KLHDC1: variants seen among roughly 807,000 people sequenced by gnomAD.
KLHDC1 encodes the protein kelch domain-containing protein 1.
KLHDC1 carries 53 observed loss-of-function variants against 68.3 expected under a neutral mutation model. That is an observed-to-expected ratio of 0.78 (90% CI 0.62 to 0.98). The LOEUF (loss-of-function observed/expected upper bound fraction) is 0.98, where lower values mean the gene tolerates loss of function less well. Ranked by LOEUF, KLHDC1 falls within the 50% of genes least tolerant of loss-of-function variation. The pLI, the probability that KLHDC1 is intolerant of heterozygous loss-of-function variation, is 0.00. For synonymous variants in KLHDC1, 148 were observed against 159.0 expected, an observed-to-expected ratio of 0.93 and a Z score of 0.52; for missense variants, 470 against 492.3, an observed-to-expected ratio of 0.95 and a Z score of 0.43.
intron 1 of KLHDC1, among the ~76,000 whole-genome samples, chr14:49,701,064 A>G (rs1887891400): frequency 6.6e-6 from 1 of 152,012 alleles, no homozygotes; most frequent in Admixed American, 6.6e-5. Flanking sequence ...CCTGGGCGAC[A>G]GAGTGAGACT....
intron 1 of KLHDC1, among the ~76,000 whole-genome samples, chr14:49,708,059 T>G (rs1005926511): frequency 6.9e-6 from 1 of 144,232 alleles, no homozygotes; most frequent in Non-Finnish European, 1.5e-5. Context: ...AGTGCTATTT[T>G]AAAACTCTAG....
chr14:49,743,069 C>T (rs529487177), intron 11 of KLHDC1, among the ~76,000 whole-genome samples: 27 of 55,988 alleles, frequency 4.8e-4, no homozygotes, highest in African/African-American at 1.3e-3. Flanking sequence ...CAGACCCTGT[C>T]TCCAAAAAAA....
intron 1 of KLHDC1, among the ~76,000 whole-genome samples, chr14:49,694,746 C>T (rs1275170328): frequency 6.6e-6 from 1 of 152,044 alleles, no homozygotes; most frequent in East Asian, 1.9e-4. Flanking sequence ...CCCAGCTACT[C>T]GGGAGGCTGA....
At chr14:49,719,112 A>G (rs1888461911) in intron 4 of KLHDC1, among the ~76,000 whole-genome samples, 1 of 151,532 alleles carries the variant, frequency 6.6e-6, no homozygotes, top group East Asian at 1.9e-4. Flanking sequence ...TCTATTCACT[A>G]TTTTATTTTG....
chr14:49,729,485 T>G lies in KLHDC1; in HGVS notation c.652-5T>G. The G allele has an allele frequency of 6.2e-7, 1 of 1,605,558 alleles. No individual in the cohort carries two copies. The highest frequency in any genetic ancestry group is 8.5e-7 in the Non-Finnish European group (1 of 1,172,694). On this transcript the variant is annotated splice_polypyrimidine_tract_variant and splice_region_variant and intron_variant, in intron 7 of 12. Coordinates refer to ENST00000359332, the MANE Select transcript of KLHDC1 (RefSeq NM_172193.3). ...ACTGACCAATGTAACACACTTTTCT[T>G]TTAGCAAACTAGGATGAATGATTTG...
intron 12 of KLHDC1, among the ~76,000 whole-genome samples, chr14:49,747,984 AAG>A (rs886955130): frequency 2.0e-5 from 3 of 151,814 alleles, no homozygotes; most frequent in African/African-American, 7.2e-5. Flanking sequence ...CTGGATACAA[AAG>A]AAAGTTAAAA....
chr14:49,693,748 C>CTTTTTTTTTTGTTTTTTTTTTTTTTTTT lies in KLHDC1; in HGVS notation c.96+468_96+469insGTTTTTTTTTTTTTTTTTTTTTTTTTTT, dbSNP rs1887646764. Among the ~76,000 whole-genome samples, 3 of 61,540 alleles carry CTTTTTTTTTTGTTTTTTTTTTTTTTTTT rather than the reference C, an allele frequency of 4.9e-5. 1 individual carries two copies. The highest frequency in any genetic ancestry group is 6.8e-5 in the Non-Finnish European group (2 of 29,626). 40.4% of individuals were successfully genotyped at this position (61,540 alleles called of 152,430 possible). A position where few individuals can be genotyped will look rare whatever the true frequency, so the allele number is the denominator to read the frequency against. On this transcript the variant is annotated intron_variant, in intron 1 of 12. Transcript: ENST00000359332. ...TAAATATTTATTTTCTTTTCTTTTTCTTTTTTTTTTTTTTTTGAGATGGAG... is the reference window on the plus strand; with the variant it reads ...TAAATATTTATTTTCTTTTCTTTTTCTTTTTTTTTTGTTTTTTTTTTTTTTTTTTTTTTTTTTTTTTTTTGAGATGGAG...
At chr14:49,694,063 T>C (rs776448648) in intron 1 of KLHDC1, among the ~76,000 whole-genome samples, 1 of 152,190 alleles carries the variant, frequency 6.6e-6, no homozygotes. Context: ...GCATTTTAAA[T>C]ATTTCTAAGC....
At chr14:49,699,037 G>T (rs1395043710) in intron 1 of KLHDC1, among the ~76,000 whole-genome samples, 1 of 151,564 alleles carries the variant, frequency 6.6e-6, no homozygotes, top group Non-Finnish European at 1.5e-5. Flanking sequence ...GGTGGCACGT[G>T]CCTGTAATCC....
At chr14:49,701,774 C>T (rs191154878) in intron 1 of KLHDC1, among the ~76,000 whole-genome samples, 12 of 152,334 alleles carry the variant, frequency 7.9e-5, no homozygotes, top group Admixed American at 7.2e-4. Flanking sequence ...TGGCTCATGC[C>T]TATAATCCCA....
chr14:49,749,466 C>T (rs933147736), intron 12 of KLHDC1, among the ~76,000 whole-genome samples: 7 of 151,490 alleles, frequency 4.6e-5, no homozygotes, highest in African/African-American at 1.7e-4. Flanking sequence ...GGCAGGAGTT[C>T]GGAGTTCAAG....
chr14:49,746,047 G>T (rs1192120497), intron 12 of KLHDC1, among the ~76,000 whole-genome samples: 1 of 152,138 alleles, frequency 6.6e-6, no homozygotes, highest in Non-Finnish European at 1.5e-5. Flanking sequence ...GTATCAATGG[G>T]GCTGGAGAAG....
At position 49,732,782 on chromosome 14, in the gene KLHDC1, A is replaced by G. The variant is rs1372337739; in HGVS notation, c.789A>G (p.Leu263=). The change falls in exon 9 of 13, where the codon CTA becomes CTG. Residue 263 remains leucine, a synonymous_variant. Coordinates refer to ENST00000359332, the MANE Select transcript of KLHDC1 (RefSeq NM_172193.3). ...LTPIADDKLF[L]CGGLSADNIP... ...CTATAGCTGATGATAAACTTTTCCTATGTGGTGGACTAAGTGCAGATAATA... is the reference window on the plus strand; with the variant it reads ...CTATAGCTGATGATAAACTTTTCCTGTGTGGTGGACTAAGTGCAGATAATA... The G allele has an allele frequency of 2.5e-6, 4 of 1,600,916 alleles. No individual in the cohort carries two copies. The highest frequency in any genetic ancestry group is 2.2e-5 in the South Asian group (2 of 90,740).
intron 5 of KLHDC1, among the ~76,000 whole-genome samples, chr14:49,725,398 A>G (rs889136117): frequency 6.6e-6 from 1 of 152,306 alleles, no homozygotes. Context: ...ACCCTCTGCA[A>G]TTTTAAAAAA....
At chr14:49,742,816 G>A (rs1268316830) in intron 11 of KLHDC1, among the ~76,000 whole-genome samples, 1 of 152,090 alleles carries the variant, frequency 6.6e-6, no homozygotes, top group East Asian at 1.9e-4. Context: ...CAGGCGTGGT[G>A]GCTCATACCT....
chr14:49,709,310 A>G lies in KLHDC1; in HGVS notation c.167+81A>G, dbSNP rs1888138255. The G allele has an allele frequency of 5.5e-5, 36 of 649,864 alleles. 1 individual carries two copies. The South Asian group carries it at 7.9e-4, about 14-fold the overall frequency. 40.3% of individuals were successfully genotyped at this position (649,864 alleles called of 1,614,324 possible). On this transcript the variant is annotated intron_variant, in intron 2 of 12. Coordinates refer to ENST00000359332, the MANE Select transcript of KLHDC1 (RefSeq NM_172193.3). ...TGTAGACTCTAGGGAATTTGAGACC[A>G]TACTTTGAACATACTGCAACATTTT...
chr14:49,715,533 G>C, intron 4 of KLHDC1, among the ~76,000 whole-genome samples: 1 of 151,010 alleles, frequency 6.6e-6, no homozygotes, highest in Non-Finnish European at 1.5e-5. Context: ...GATTACTTGA[G>C]GTCAGGAGTT....
chr14:49,696,571 C>T (rs2139725564), intron 1 of KLHDC1, among the ~76,000 whole-genome samples: 1 of 152,234 alleles, frequency 6.6e-6, no homozygotes, highest in East Asian at 1.9e-4. Flanking sequence ...TTCTCTCAGC[C>T]TTCATAGAAT....
chr14:49,713,932 A>T (rs1385877618), intron 4 of KLHDC1, among the ~76,000 whole-genome samples: 1 of 143,082 alleles, frequency 7.0e-6, no homozygotes, highest in Non-Finnish European at 1.5e-5. Flanking sequence ...GGCTCACTGT[A>T]ACCTCCGCTT....
Sources: gnomAD v4.1 joint callset for allele counts (sites outside exome capture counted in the v4.1 genomes callset) on GRCh38, gnomAD v4.1.1 for gene constraint, MANE v1.5 for transcripts, NCBI Gene and HGNC (gene_info 2026-07-23, HGNC 2026-07-21) for gene names.